The following EYA3 variants were observed in gnomAD, a reference collection of about 807,000 sequenced individuals.
EYA3 encodes the protein protein phosphatase EYA3.
EYA3 carries 39 observed loss-of-function variants against 80.0 expected under a neutral mutation model. The observed-to-expected ratio is 0.49, with a 90% confidence interval of 0.38 to 0.64. EYA3 has a LOEUF of 0.64. Ranked by LOEUF, EYA3 falls within the 30% of genes least tolerant of loss-of-function variation. EYA3 has a pLI of 0.00. For missense variants in EYA3, 523 were observed against 676.1 expected, an observed-to-expected ratio of 0.77 and a Z score of 2.51; for synonymous variants, 206 against 232.8, an observed-to-expected ratio of 0.88 and a Z score of 1.05.
chr1:27,984,521 G>A (rs941690311), intron 16 of EYA3, among the ~76,000 whole-genome samples: 1 of 151,786 alleles, frequency 6.6e-6, no homozygotes, highest in African/African-American at 2.4e-5. Flanking sequence ...TAATCTACCT[G>A]TAATTTATTT....
chr1:27,991,695 A>G (rs1369274105), intron 14 of EYA3, among the ~76,000 whole-genome samples: 1 of 152,138 alleles, frequency 6.6e-6, no homozygotes, highest in Non-Finnish European at 1.5e-5. Context: ...CAACAAAACC[A>G]GTACCTATAT....
chr1:27,993,271 A>G, intron 14 of EYA3, 129 bp downstream of exon 14: 1 of 971,004 alleles, frequency 1.0e-6, no homozygotes. Flanking sequence ...TTTTTTAAAT[A>G]CAGAGTTTAA....
At chr1:28,059,340 T>G (rs1297524855) in intron 1 of EYA3, among the ~76,000 whole-genome samples, 1 of 152,224 alleles carries the variant, frequency 6.6e-6, no homozygotes, top group Non-Finnish European at 1.5e-5. Flanking sequence ...ATGCTCTCAC[T>G]GTAGCTCATA....
intron 11 of EYA3, 109 bp from the exon 12 acceptor site, chr1:28,000,158 ACTGTG>A: frequency 1.6e-6 from 1 of 607,952 alleles, no homozygotes; most frequent in East Asian, 3.0e-5. Flanking sequence ...CGAGCTCCCA[ACTGTG>A]CTTCAAACTA....
At chr1:28,008,649 C>T (rs1641471552) in intron 10 of EYA3, among the ~76,000 whole-genome samples, 1 of 151,964 alleles carries the variant, frequency 6.6e-6, no homozygotes, top group African/African-American at 2.4e-5. Flanking sequence ...AAAAACCAAA[C>T]AACCCAGTTT....
intron 1 of EYA3, among the ~76,000 whole-genome samples, chr1:28,078,598 C>A (rs767208813): frequency 7.2e-5 from 11 of 152,020 alleles, no homozygotes; most frequent in Non-Finnish European, 1.5e-4. Flanking sequence ...CAGGCTGAAG[C>A]GCAGTGGCAT....
intron 16 of EYA3, 28 bp downstream of exon 16, chr1:27,988,507 G>A (rs376822999): frequency 2.6e-5 from 41 of 1,606,032 alleles, no homozygotes; most frequent in Non-Finnish European, 3.2e-5. Context: ...TGCAAGGCCA[G>A]TGACAAGAAA....
chr1:28,005,541 C>A (rs1641201235), intron 10 of EYA3, among the ~76,000 whole-genome samples: 1 of 151,440 alleles, frequency 6.6e-6, no homozygotes, highest in Non-Finnish European at 1.5e-5. Context: ...TGGCAAAACA[C>A]CGTCTCTACA....
intron 11 of EYA3, among the ~76,000 whole-genome samples, chr1:28,001,286 C>T (rs1052871028): frequency 6.7e-6 from 1 of 149,430 alleles, no homozygotes; most frequent in African/African-American, 2.4e-5. Flanking sequence ...TGTATTTTCA[C>T]GTTCAGGTCT....
chr1:28,015,519 A>ATCT (rs1408753173), intron 8 of EYA3, among the ~76,000 whole-genome samples: 40 of 152,270 alleles, frequency 2.6e-4, no homozygotes, highest in Non-Finnish European at 2.9e-5. Flanking sequence ...ACAGAGCGAG[A>ATCT]CTCTGTCTCA....
At chr1:27,975,726 C>T (rs953018218) in intron 17 of EYA3, among the ~76,000 whole-genome samples, 6 of 152,004 alleles carry the variant, frequency 3.9e-5, no homozygotes, top group Non-Finnish European at 5.9e-5. Context: ...ACCTCATGAT[C>T]GCCCGTCTTG....
chr1:28,039,998 A>G (rs568995218), intron 4 of EYA3, among the ~76,000 whole-genome samples: 1 of 152,322 alleles, frequency 6.6e-6, no homozygotes, highest in African/African-American at 2.4e-5. Context: ...CTCCAATTTA[A>G]TTTAATTCTG....
At chr1:28,017,518 T>C (rs969930070) in intron 7 of EYA3, among the ~76,000 whole-genome samples, 2 of 152,200 alleles carry the variant, frequency 1.3e-5, no homozygotes, top group African/African-American at 2.4e-5. Context: ...ATACTAATAA[T>C]ATCAATGAAA....
chr1:28,026,110 CT>C (rs1361518325), intron 7 of EYA3, among the ~76,000 whole-genome samples: 1 of 152,222 alleles, frequency 6.6e-6, no homozygotes, highest in Non-Finnish European at 1.5e-5. Flanking sequence ...GGTGATTCCT[CT>C]TGTTTTACAA....
At chr1:28,042,431 A>C (rs1042066098) in intron 4 of EYA3, 140 bp downstream of exon 4, 6 of 680,090 alleles carry the variant, frequency 8.8e-6, no homozygotes, top group Non-Finnish European at 1.5e-5. Context: ...CTCAAGGATA[A>C]ACACACACAA....
At chr1:27,985,003 C>T (rs892615233) in intron 16 of EYA3, among the ~76,000 whole-genome samples, 1 of 152,128 alleles carries the variant, frequency 6.6e-6, no homozygotes, top group Admixed American at 6.5e-5. Context: ...GGTTTAATCC[C>T]GATCACTCCC....
At chr1:28,003,932 A>G (rs953608306) in intron 11 of EYA3, among the ~76,000 whole-genome samples, 2 of 152,196 alleles carry the variant, frequency 1.3e-5, no homozygotes, top group Non-Finnish European at 2.9e-5. Flanking sequence ...TTACTTATAT[A>G]TATCTGGCAT....
intron 13 of EYA3, among the ~76,000 whole-genome samples, chr1:27,996,207 A>G (rs988822336): frequency 6.6e-6 from 1 of 152,220 alleles, no homozygotes; most frequent in African/African-American, 2.4e-5. Context: ...CTCTGGAGTA[A>G]TTTGTTGCAT....
chr1:28,040,724 T>C lies in EYA3; in HGVS notation c.158-1819A>G, dbSNP rs147012392. ...GGAAGAGTGAGGATAGAAGCTAAAT[T>C]TGAGAGGCTGGAAAAGTGAATGGGA... On this transcript the variant is annotated intron_variant, in intron 4 of 17. Transcript: ENST00000373871. 1.1e-4 allele frequency among the ~76,000 whole-genome samples: 16 copies of C among 151,944 alleles called. No homozygotes were observed. In the East Asian group the frequency reaches 3.1e-3, roughly 30 times the overall value.
Sources: gnomAD v4.1 joint callset for allele counts (sites outside exome capture counted in the v4.1 genomes callset) on GRCh38, gnomAD v4.1.1 for gene constraint, MANE v1.5 for transcripts, NCBI Gene and HGNC (gene_info 2026-07-23, HGNC 2026-07-21) for gene names.